APBB1IP: variants seen among roughly 807,000 people sequenced by gnomAD.
APBB1IP encodes the protein amyloid beta precursor protein binding family B member 1 interacting protein, also known as amyloid beta A4 precursor protein-binding family B member 1-interacting protein.
Under a neutral mutation model 64.9 loss-of-function variants are expected in APBB1IP, and 27 were observed. The ratio of observed to expected loss-of-function variants is 0.42; its 90% CI spans 0.31 to 0.57. APBB1IP has a LOEUF of 0.57. Ranked by LOEUF, APBB1IP falls within the 20% of genes least tolerant of loss-of-function variation. APBB1IP has a pLI of 0.20. For missense variants in APBB1IP, 812 were observed against 845.5 expected, an observed-to-expected ratio of 0.96 and a Z score of 0.49; for synonymous variants, 392 against 331.0, an observed-to-expected ratio of 1.18 and a Z score of -2.00.
chr10:26,457,001 A>T (rs1835534045), intron 2 of APBB1IP, among the ~76,000 whole-genome samples: 1 of 152,124 alleles, frequency 6.6e-6, no homozygotes. Context: ...TTCTGAGAAG[A>T]TTGGCTTAGT....
At chr10:26,543,486 A>G (rs908073629) in intron 11 of APBB1IP, among the ~76,000 whole-genome samples, 1 of 135,554 alleles carries the variant, frequency 7.4e-6, no homozygotes, top group South Asian at 2.3e-4. Context: ...AAAAGAAAAG[A>G]AAAAGAAAAA....
chr10:26,551,399 C>T (rs1260080339), intron 11 of APBB1IP, among the ~76,000 whole-genome samples: 2 of 152,196 alleles, frequency 1.3e-5, no homozygotes, highest in Non-Finnish European at 2.9e-5. Flanking sequence ...GGGAAACCAT[C>T]CCCTTACCGT....
chr10:26,499,322 A>T (rs1836067549), intron 4 of APBB1IP, among the ~76,000 whole-genome samples: 3 of 152,078 alleles, frequency 2.0e-5, no homozygotes, highest in Admixed American at 2.0e-4. Context: ...TCTCAAAAAA[A>T]AAAAGAAAAG....
chr10:26,440,412 A>G (rs1835327357), intron 2 of APBB1IP, among the ~76,000 whole-genome samples: 1 of 152,246 alleles, frequency 6.6e-6, no homozygotes. Context: ...GAAAATAATC[A>G]TAACCATAAC....
chr10:26,463,245 C>T (rs1290209855), intron 2 of APBB1IP, among the ~76,000 whole-genome samples: 2 of 152,028 alleles, frequency 1.3e-5, no homozygotes, highest in African/African-American at 4.8e-5. Flanking sequence ...CAAGACTAGC[C>T]TGGGCAAGAT....
At chr10:26,452,699 G>A (rs1277940573) in intron 2 of APBB1IP, among the ~76,000 whole-genome samples, 1 of 151,942 alleles carries the variant, frequency 6.6e-6, no homozygotes, top group East Asian at 1.9e-4. Flanking sequence ...ATATTTAGGG[G>A]GTACAAGTGT....
chr10:26,564,842 G>C (rs1222484509), intron 14 of APBB1IP, among the ~76,000 whole-genome samples: 1 of 151,828 alleles, frequency 6.6e-6, no homozygotes, highest in East Asian at 1.9e-4. Context: ...ATAAAATAAA[G>C]AAAAGAAAAA....
intron 9 of APBB1IP, among the ~76,000 whole-genome samples, chr10:26,534,360 G>A (rs915075661): frequency 2.0e-5 from 3 of 151,198 alleles, no homozygotes; most frequent in African/African-American, 7.3e-5. Context: ...TGAAATGAGT[G>A]CCAGATCTCA....
intron 3 of APBB1IP, among the ~76,000 whole-genome samples, chr10:26,494,593 C>T (rs188839503): frequency 9.1e-4 from 139 of 152,242 alleles, no homozygotes; most frequent in Middle Eastern, 3.4e-3. Context: ...TTTGGGAGGC[C>T]GAGGTGAGTG....
At chr10:26,525,790 T>G (rs11813701) in intron 8 of APBB1IP, among the ~76,000 whole-genome samples, 6,622 of 152,012 alleles carry the variant, frequency 0.044, 139 homozygotes, top group South Asian at 0.079. Flanking sequence ...CAGGAAGAAG[T>G]GGGTATTTTT....
intron 2 of APBB1IP, among the ~76,000 whole-genome samples, chr10:26,478,839 G>A (rs1384869389): frequency 6.6e-6 from 1 of 152,006 alleles, no homozygotes; most frequent in Non-Finnish European, 1.5e-5. Context: ...TCTGGGGCCT[G>A]AATCTTACAC....
chr10:26,560,828 A>G lies in APBB1IP; in HGVS notation c.1353A>G (p.Pro451=). 6.3e-7 allele frequency: 1 copy of G among 1,598,760 alleles called. No individual in the cohort carries two copies. The highest frequency in any genetic ancestry group is 8.5e-7 in the Non-Finnish European group (1 of 1,173,236). Residue 451 remains proline (P), a synonymous_variant, in exon 13 of 15, where the codon CCA becomes CCG. Transcript: ENST00000376236. ...TNLGTVNAAA[P]AQPSTGPKTG... ...TGGGGACAGTCAATGCAGCTGCACC[A>G]GCTCAGCCATCTACAGGTACTAAGT... is the stretch of plus-strand genomic sequence containing the variant.
chr10:26,567,041 G>T lies in APBB1IP; in HGVS notation c.1554G>T (p.Pro518=). Residue 518 remains proline, a synonymous_variant, in exon 15 of 15, where the codon CCG becomes CCT. Transcript: ENST00000376236. ...APHAPKSSLP[P]PPPVRRSSDT... ...ACGCCCCCAAGTCCAGCCTGCCCCC[G>T]CCCCCTCCGGTGCGGAGGTCCTCCG... 6.5e-7 allele frequency: 1 copy of T among 1,527,374 alleles called. No individual in the cohort carries two copies. Among genetic ancestry groups the T allele is most frequent in the South Asian group, 1.2e-5 (1 of 84,636 alleles). 94.6% of individuals were successfully genotyped at this position (1,527,374 alleles called of 1,614,324 possible). A position where few individuals can be genotyped will look rare whatever the true frequency, so the allele number is the denominator to read the frequency against.
chr10:26,477,957 T>C (rs1835794090), intron 2 of APBB1IP, among the ~76,000 whole-genome samples: 1 of 152,242 alleles, frequency 6.6e-6, no homozygotes, highest in East Asian at 1.9e-4. Flanking sequence ...TTTAAATTTA[T>C]CCATTTATTT....
chr10:26,467,835 T>G (rs1835666438), intron 2 of APBB1IP, among the ~76,000 whole-genome samples: 1 of 152,230 alleles, frequency 6.6e-6, no homozygotes, highest in South Asian at 2.1e-4. Context: ...TTAGCTTTGA[T>G]CTCACCAAAT....
At chr10:26,463,606 C>A (rs1375128237) in intron 2 of APBB1IP, among the ~76,000 whole-genome samples, 1 of 152,088 alleles carries the variant, frequency 6.6e-6, no homozygotes, top group African/African-American at 2.4e-5. Context: ...TGGCTCAAGA[C>A]CCACCTTTGG....
At chr10:26,487,224 C>T (rs1420439083) in intron 2 of APBB1IP, among the ~76,000 whole-genome samples, 9 of 149,762 alleles carry the variant, frequency 6.0e-5, no homozygotes, top group African/African-American at 2.0e-4. Context: ...CTCTCTCTCT[C>T]TCTCTCTTTT....
At chr10:26,536,306 T>C in intron 10 of APBB1IP, 89 bp downstream of exon 10, 1 of 1,372,772 alleles carries the variant, frequency 7.3e-7, no homozygotes, top group Non-Finnish European at 9.7e-7. Flanking sequence ...GTTAAATACA[T>C]TCTCTGTTGC....
At chr10:26,556,769 T>C (rs1326980804) in intron 11 of APBB1IP, among the ~76,000 whole-genome samples, 1 of 152,228 alleles carries the variant, frequency 6.6e-6, no homozygotes, top group African/African-American at 2.4e-5. Context: ...AAGGTAACAA[T>C]GTCAGCTTTT....
Sources: gnomAD v4.1 joint callset for allele counts (sites outside exome capture counted in the v4.1 genomes callset) on GRCh38, gnomAD v4.1.1 for gene constraint, MANE v1.5 for transcripts, NCBI Gene and HGNC (gene_info 2026-07-23, HGNC 2026-07-21) for gene names.